The following ARMC2 variants were observed in gnomAD, a reference collection of about 807,000 sequenced individuals.
ARMC2 encodes the protein armadillo repeat-containing protein 2.
In ARMC2, 67 loss-of-function variants were observed where a neutral mutation model predicts 90.3. That is an observed-to-expected ratio of 0.74 (90% CI 0.61 to 0.91). The LOEUF (loss-of-function observed/expected upper bound fraction) is 0.91, where lower values mean the gene tolerates loss of function less well. Ranked by LOEUF, ARMC2 falls within the 40% of genes least tolerant of loss-of-function variation. ARMC2 has a pLI of 0.00. For synonymous variants in ARMC2, 393 were observed against 393.0 expected (o/e 1.00, Z 0.00); for missense variants, 920 against 1,030.9 (o/e 0.89, Z 1.47).
chr6:108,855,752 C>T (rs1338155094), intron 2 of ARMC2, among the ~76,000 whole-genome samples: 3 of 152,170 alleles, frequency 2.0e-5, no homozygotes, highest in Non-Finnish European at 4.4e-5. Context: ...AGATTTTGGC[C>T]ATTCGAATAA....
intron 10 of ARMC2, among the ~76,000 whole-genome samples, chr6:108,917,498 A>G (rs995295030): frequency 6.6e-6 from 1 of 152,164 alleles, no homozygotes; most frequent in Non-Finnish European, 1.5e-5. Flanking sequence ...GACTCAGACA[A>G]TTTGAGCCTG....
chr6:109,041,415 C>T, the ARMC2 span, among the ~76,000 whole-genome samples: 1 of 152,168 alleles, frequency 6.6e-6, no homozygotes, highest in Non-Finnish European at 1.5e-5. Flanking sequence ...ACCAAACATA[C>T]TTGTACAAGT....
Position 108,912,519 on chromosome 6 carries a change from T to C in ARMC2, c.1311T>C (p.Cys437=), listed in dbSNP as rs770922140. ...AAATAAATGAGAACATCAAGAAATG[T>C]GGTACATTTTTGCCTAATTCGGGCC... The part of the protein sequence containing the change: ...IKQINENIKK[C]GTFLPNSGHL... The change falls in exon 10 of 18, where the codon TGT becomes TGC. Residue 437 remains cysteine, a synonymous_variant. Coordinates refer to ENST00000392644, the MANE Select transcript of ARMC2 (RefSeq NM_032131.6). 6.2e-7 allele frequency: 1 copy of C among 1,613,962 alleles called. No individual in the cohort carries two copies. Among genetic ancestry groups the C allele is most frequent in the Non-Finnish European group, 8.5e-7 (1 of 1,179,856 alleles).
chr6:108,900,235 C>A (rs1459847706), intron 7 of ARMC2, among the ~76,000 whole-genome samples: 1 of 152,218 alleles, frequency 6.6e-6, no homozygotes, highest in Non-Finnish European at 1.5e-5. Flanking sequence ...GTCCTACTCT[C>A]TTGAAGGGAG....
the ARMC2 span, among the ~76,000 whole-genome samples, chr6:109,028,356 T>C: frequency 6.6e-6 from 1 of 152,172 alleles, no homozygotes; most frequent in East Asian, 1.9e-4. Flanking sequence ...CAGATAACTT[T>C]TTGGAGTAGG....
the ARMC2 span, among the ~76,000 whole-genome samples, chr6:108,997,574 T>G: frequency 6.6e-6 from 1 of 152,238 alleles, no homozygotes; most frequent in Non-Finnish European, 1.5e-5. Context: ...ACTTGGCATT[T>G]TACTTCTTTA....
Position 108,855,757 on chromosome 6 carries a change from G to T in ARMC2, c.218+1272G>T, listed in dbSNP as rs369597955. On this transcript the variant is annotated intron_variant, in intron 2 of 17. Coordinates refer to ENST00000392644, the MANE Select transcript of ARMC2 (RefSeq NM_032131.6). Reference sequence around the variant, plus strand: ...TCAGTGTTCTAGATTTTGGCCATTCGAATAAGTGTGTAGTGGTATCTCATT... The same window carrying T: ...TCAGTGTTCTAGATTTTGGCCATTCTAATAAGTGTGTAGTGGTATCTCATT... Among the ~76,000 whole-genome samples, 10 of 152,262 alleles carry T rather than the reference G, an allele frequency of 6.6e-5. No homozygotes were observed. In the East Asian group the frequency reaches 1.9e-3, roughly 29 times the overall value.
At chr6:108,987,371 A>G in the ARMC2 span, 1 of 509,952 alleles carries the variant, frequency 2.0e-6, no homozygotes, top group East Asian at 3.1e-5. Flanking sequence ...CCAAACAGTC[A>G]CTGCTTGTGC....
chr6:108,853,906 G>C (rs1377712574), intron 1 of ARMC2, among the ~76,000 whole-genome samples: 3 of 152,122 alleles, frequency 2.0e-5, no homozygotes, highest in Admixed American at 6.5e-5. Context: ...AGAACCCTCA[G>C]TGTTTTTTGT....
chr6:108,997,554 T>TA, the ARMC2 span, among the ~76,000 whole-genome samples: 1 of 152,242 alleles, frequency 6.6e-6, no homozygotes, highest in South Asian at 2.1e-4. Context: ...TGACAAATGC[T>TA]AAGTGCTGTA....
In ARMC2 at chr6:108,868,990, C is replaced by G. The variant is rs753893918; in HGVS notation, c.458C>G (p.Ser153Cys). 5 of 1,611,232 alleles carry G rather than the reference C, an allele frequency of 3.1e-6. No homozygotes were observed. Among genetic ancestry groups the G allele is most frequent in the Non-Finnish European group, 4.2e-6 (5 of 1,178,704 alleles). ...ALLPDRSLPP[S>C]DSKKTVESKE... ...CTGCCGGACAGATCCCTTCCTCCCTCCGACTGTAAGGCCATGTAACATCCT... is the reference window on the plus strand; with the variant it reads ...CTGCCGGACAGATCCCTTCCTCCCTGCGACTGTAAGGCCATGTAACATCCT... Residue 153 changes from serine to cysteine, a missense_variant, in exon 4 of 18, where the codon TCC (serine) becomes TGC (cysteine). Physicochemically the swap from Ser to Cys is moderately radical, Grantham distance 112. Coordinates refer to ENST00000392644, the MANE Select transcript of ARMC2 (RefSeq NM_032131.6).
chr6:108,979,951 G>A, the ARMC2 span, among the ~76,000 whole-genome samples: 7 of 151,840 alleles, frequency 4.6e-5, no homozygotes, highest in Admixed American at 1.3e-4. Flanking sequence ...CCTTTAGCTC[G>A]GAGGAGTATG....
chr6:108,936,352 G>A (rs1002839845), intron 11 of ARMC2, among the ~76,000 whole-genome samples: 1 of 152,168 alleles, frequency 6.6e-6, no homozygotes, highest in African/African-American at 2.4e-5. Flanking sequence ...TGCCTCCTGA[G>A]TTCAAGCAGT....
chr6:108,855,322 C>A (rs1774449894), intron 2 of ARMC2, among the ~76,000 whole-genome samples: 1 of 150,388 alleles, frequency 6.6e-6, no homozygotes, highest in Non-Finnish European at 1.5e-5. Flanking sequence ...GATCTCAGCT[C>A]ACTGCAAGCT....
At chr6:108,908,704 C>T (rs1017820328) in intron 8 of ARMC2, among the ~76,000 whole-genome samples, 1 of 151,590 alleles carries the variant, frequency 6.6e-6, no homozygotes, top group Non-Finnish European at 1.5e-5. Flanking sequence ...GCTGTAATGG[C>T]GGCATCACTG....
At chr6:108,929,757 A>G (rs1056281645) in intron 11 of ARMC2, among the ~76,000 whole-genome samples, 1 of 152,162 alleles carries the variant, frequency 6.6e-6, no homozygotes, top group Non-Finnish European at 1.5e-5. Flanking sequence ...TGCTGCGATT[A>G]GAGGTGTGAG....
chr6:108,998,881 T>C, the ARMC2 span: 2 of 1,173,016 alleles, frequency 1.7e-6, no homozygotes, highest in Non-Finnish European at 2.3e-6. Flanking sequence ...AAATTATCAT[T>C]TGAAACATGT....
At chr6:108,949,683 GAGCCCA>G (rs1777043896) in intron 12 of ARMC2, among the ~76,000 whole-genome samples, 1 of 152,204 alleles carries the variant, frequency 6.6e-6, no homozygotes, top group Non-Finnish European at 1.5e-5. Flanking sequence ...TACCAACTCA[GAGCCCA>G]GGGCAGGGCC....
At chr6:108,918,496 TA>T (rs1478898912) in intron 10 of ARMC2, among the ~76,000 whole-genome samples, 24 of 150,172 alleles carry the variant, frequency 1.6e-4, no homozygotes, top group African/African-American at 3.0e-4. Flanking sequence ...TTTTTTTTTT[TA>T]AATTTCTGAG....
Sources: gnomAD v4.1 joint callset for allele counts (sites outside exome capture counted in the v4.1 genomes callset) on GRCh38, gnomAD v4.1.1 for gene constraint, MANE v1.5 for transcripts, NCBI Gene and HGNC (gene_info 2026-07-23, HGNC 2026-07-21) for gene names.